KLHL1: variants seen among roughly 807,000 people sequenced by gnomAD.
The protein encoded by KLHL1 is kelch like family member 1, also known as kelch-like protein 1.
In KLHL1, 47 loss-of-function variants were observed where a neutral mutation model predicts 77.7. The ratio of observed to expected loss-of-function variants is 0.60; its 90% CI spans 0.48 to 0.77. The LOEUF is 0.77. Ranked by LOEUF, KLHL1 falls within the 30% of genes least tolerant of loss-of-function variation. KLHL1 has a pLI of 0.00. For synonymous variants in KLHL1, 360 were observed against 325.2 expected (o/e 1.11, Z -1.15); for missense variants, 925 against 910.8 (o/e 1.02, Z -0.20).
chr13:69,770,317 A>G (rs1393483087), intron 7 of KLHL1, among the ~76,000 whole-genome samples: 4 of 152,232 alleles, frequency 2.6e-5, no homozygotes, highest in African/African-American at 7.2e-5. Context: ...CCGAGTGGGC[A>G]GAGTGAGCTG....
At chr13:69,762,621 G>A (rs1190464426) in intron 7 of KLHL1, among the ~76,000 whole-genome samples, 2 of 149,792 alleles carry the variant, frequency 1.3e-5, no homozygotes, top group African/African-American at 4.9e-5. Flanking sequence ...CAGACTCTTG[G>A]AACTGTGCAC....
At position 70,099,935 on chromosome 13, in the gene KLHL1, T is replaced by A. The variant is rs372495377; in HGVS notation, c.497+7268A>T. 3.3e-5 allele frequency among the ~76,000 whole-genome samples: 5 copies of A among 152,124 alleles called. No homozygotes were observed. In the East Asian group the frequency reaches 5.8e-4, roughly 18 times the overall value. ...TATACTTATATAGCACTATCTTGAT[T>A]AATGTAGCTTCATAACAAGTCTGGA... On this transcript the variant is annotated intron_variant, in intron 1 of 10. Transcript: ENST00000377844.
At chr13:69,953,870 A>G (rs1485452833) in intron 3 of KLHL1, among the ~76,000 whole-genome samples, 1 of 151,226 alleles carries the variant, frequency 6.6e-6, no homozygotes, top group Non-Finnish European at 1.5e-5. Flanking sequence ...ATTTGAAAAA[A>G]CTTATAAAAT....
At chr13:70,077,385 G>A (rs150255168) in intron 1 of KLHL1, among the ~76,000 whole-genome samples, 9 of 151,862 alleles carry the variant, frequency 5.9e-5, no homozygotes, top group East Asian at 1.9e-4. Context: ...TATGACTGTC[G>A]CTGTAAGCCA....
intron 7 of KLHL1, among the ~76,000 whole-genome samples, chr13:69,761,066 C>T (rs572358660): frequency 5.9e-5 from 9 of 152,144 alleles, no homozygotes; most frequent in Non-Finnish European, 1.3e-4. Context: ...AAAAGCTTAA[C>T]TTTAAATCCC....
chr13:70,021,562 T>C (rs1037361643), intron 1 of KLHL1, among the ~76,000 whole-genome samples: 4 of 152,060 alleles, frequency 2.6e-5, no homozygotes, highest in African/African-American at 9.7e-5. Flanking sequence ...GGCAAACGTA[T>C]ATCTAGTTTT....
chr13:69,938,829 TA>T (rs1406117372), intron 4 of KLHL1, among the ~76,000 whole-genome samples: 4 of 152,092 alleles, frequency 2.6e-5, no homozygotes, highest in Non-Finnish European at 5.9e-5. Context: ...GTAATCTGCT[TA>T]AAGGATTAAA....
At chr13:69,878,941 G>A (rs550308245) in intron 5 of KLHL1, among the ~76,000 whole-genome samples, 39 of 152,236 alleles carry the variant, frequency 2.6e-4, no homozygotes, top group African/African-American at 9.1e-4. Flanking sequence ...ATGAGTTCAT[G>A]TCCTTTGTAG....
intron 6 of KLHL1, among the ~76,000 whole-genome samples, chr13:69,832,307 G>A (rs927551969): frequency 3.3e-5 from 5 of 149,616 alleles, no homozygotes; most frequent in Admixed American, 6.7e-5. Context: ...CACCAACAGC[G>A]ACCAAGCTGA....
intron 1 of KLHL1, among the ~76,000 whole-genome samples, chr13:70,060,538 CA>C (rs113523630): frequency 2.7e-3 from 394 of 147,906 alleles, no homozygotes; most frequent in African/African-American, 8.3e-3. Context: ...GACAAATAGA[CA>C]AAAAAAAAAA....
chr13:70,102,736 A>G (rs948160085), intron 1 of KLHL1, among the ~76,000 whole-genome samples: 2 of 152,342 alleles, frequency 1.3e-5, no homozygotes, highest in African/African-American at 4.8e-5. Flanking sequence ...TCATTATACC[A>G]GAGGGATACA....
intron 6 of KLHL1, among the ~76,000 whole-genome samples, chr13:69,820,390 A>G (rs1235288716): frequency 6.6e-6 from 1 of 152,178 alleles, no homozygotes; most frequent in East Asian, 1.9e-4. Context: ...ATCACCGTAA[A>G]TAACTCATCG....
intron 4 of KLHL1, among the ~76,000 whole-genome samples, chr13:69,921,239 G>A (rs1882622476): frequency 6.6e-6 from 1 of 152,314 alleles, no homozygotes; most frequent in South Asian, 2.1e-4. Context: ...AGCAGGTCAA[G>A]TCACTCCTAT....
chr13:69,762,927 A>T (rs1385966074), intron 7 of KLHL1, among the ~76,000 whole-genome samples: 1 of 151,992 alleles, frequency 6.6e-6, no homozygotes, highest in Non-Finnish European at 1.5e-5. Flanking sequence ...GAAGTTTAGT[A>T]GTAATTTTCT....
chr13:69,740,477 C>G lies in KLHL1; in HGVS notation c.1719G>C (p.Trp573Cys), dbSNP rs757005873. The G allele has an allele frequency of 5.0e-6, 8 of 1,612,728 alleles. No individual in the cohort carries two copies. The highest frequency in any genetic ancestry group is 6.8e-6 in the Non-Finnish European group (8 of 1,179,034). Residue 573 changes from tryptophan (W) to cysteine (C), a missense_variant, in exon 8 of 11, where the codon TGG (tryptophan) becomes TGC (cysteine). By Grantham distance (215) the Trp-to-Cys change is radical. Transcript: ENST00000377844. ...GWSYLNTVERWDPQSQQWTFV... is the reference protein window; with the variant it reads ...GWSYLNTVERCDPQSQQWTFV... ...ATGTCCATTGTTGACTCTGTGGATC[C>G]CACCTTTCCACTGTATTCAGATAGC...
chr13:69,815,590 C>T (rs748918934), intron 6 of KLHL1, among the ~76,000 whole-genome samples: 1 of 152,080 alleles, frequency 6.6e-6, no homozygotes, highest in African/African-American at 2.4e-5. Context: ...TGTTGAAAAA[C>T]TATCATCCAT....
intron 4 of KLHL1, among the ~76,000 whole-genome samples, chr13:69,939,359 A>ATACATATACATAC (rs1883287259): frequency 1.1e-5 from 1 of 91,216 alleles, no homozygotes; most frequent in African/African-American, 4.4e-5. Context: ...ATATATATAT[A>ATACATATACATAC]TATATATATA....
chr13:69,900,085 A>T (rs2050952457), intron 4 of KLHL1, among the ~76,000 whole-genome samples: 1 of 152,112 alleles, frequency 6.6e-6, no homozygotes, highest in Non-Finnish European at 1.5e-5. Context: ...GTCTCCTTCA[A>T]CCTTGGAGCG....
chr13:69,816,209 CTG>C lies in KLHL1; in HGVS notation c.1415-19249_1415-19248del, dbSNP rs111862061. Among the ~76,000 whole-genome samples, 129 of 151,100 alleles carry C rather than the reference CTG, an allele frequency of 8.5e-4. 1 individual carries two copies. Among genetic ancestry groups the C allele is most frequent in the African/African-American group, 3.0e-3 (125 of 41,258 alleles). ...AAATCAATGCAACATTTTAGGACAG[CTG>C]TGTGTGAATGCAATTAATATATAGT... On this transcript the variant is annotated intron_variant, in intron 6 of 10. Coordinates refer to ENST00000377844, the MANE Select transcript of KLHL1 (RefSeq NM_020866.3).
Sources: allele counts gnomAD v4.1 joint callset (sites outside exome capture counted in the v4.1 genomes callset), GRCh38; gene constraint gnomAD v4.1.1; transcripts MANE v1.5; gene names NCBI Gene and HGNC (gene_info 2026-07-23, HGNC 2026-07-21).